Variants in TBC1D32 observed in about 807,000 individuals in gnomAD.
TBC1D32 encodes TBC1 domain family member 32.
In TBC1D32, 151 loss-of-function variants were observed where a neutral mutation model predicts 170.3. The ratio of observed to expected loss-of-function variants is 0.89; its 90% CI spans 0.78 to 1.01. The LOEUF is 1.01. Ranked by LOEUF, TBC1D32 falls within the 50% of genes least tolerant of loss-of-function variation. The pLI is 0.00. For missense variants in TBC1D32, 1,464 were observed against 1,457.1 expected (o/e 1.00, Z -0.08); for synonymous variants, 498 against 488.0 (o/e 1.02, Z -0.27).
chr6:121,334,588 T>C (rs9482134), upstream of TBC1D32: 7,301 of 826,226 alleles, frequency 8.8e-3, 446 homozygotes, highest in African/African-American at 0.12. Flanking sequence ...CAGCTGCCAG[T>C]GCGTCATTTC....
Position 121,273,755 on chromosome 6 carries a change from A to G in TBC1D32, c.1733+5366T>C, listed in dbSNP as rs1263715179. Reference sequence around the variant, plus strand: ...TGAACTATAACCTTGATGGAAGTATAAACAGACTGTAACCTACTCTTGTGC... The same window carrying G: ...TGAACTATAACCTTGATGGAAGTATGAACAGACTGTAACCTACTCTTGTGC... On this transcript the variant is annotated intron_variant, in intron 15 of 31. Transcript: ENST00000398212. Among the ~76,000 whole-genome samples, 3 of 152,156 alleles carry G rather than the reference A, an allele frequency of 2.0e-5. No homozygotes were observed. The South Asian group carries it at 6.2e-4, about 32-fold the overall frequency.
chr6:121,099,025 C>A (rs1003331173), intron 30 of TBC1D32, among the ~76,000 whole-genome samples: 27 of 151,924 alleles, frequency 1.8e-4, no homozygotes, highest in African/African-American at 5.6e-4. Context: ...TTTCAAAAAG[C>A]AATGTGTCAC....
intron 3 of TBC1D32, 76 bp downstream of exon 3, chr6:121,317,419 G>C: frequency 8.4e-7 from 1 of 1,190,856 alleles, no homozygotes; most frequent in Non-Finnish European, 1.1e-6. Flanking sequence ...GAAAAATATG[G>C]CTAAGAAATA....
intron 21 of TBC1D32, among the ~76,000 whole-genome samples, chr6:121,212,691 C>A (rs1202090436): frequency 6.6e-6 from 1 of 151,988 alleles, no homozygotes; most frequent in Non-Finnish European, 1.5e-5. Context: ...TGACCTCAGA[C>A]CTCAGGTGAT....
intron 24 of TBC1D32, among the ~76,000 whole-genome samples, chr6:121,136,814 CATGTGTATGTAAACAAGT>C (rs947988096): frequency 3.3e-5 from 5 of 152,152 alleles, no homozygotes; most frequent in Admixed American, 3.3e-4. Flanking sequence ...ATTATATACA[CATGTGTATGTAAACAAGT>C]ATGTGTATGT....
chr6:121,253,469 C>T (rs1389806353), intron 17 of TBC1D32, among the ~76,000 whole-genome samples: 1 of 152,058 alleles, frequency 6.6e-6, no homozygotes, highest in Non-Finnish European at 1.5e-5. Flanking sequence ...CTGTAATCCC[C>T]GCACTTTGGG....
chr6:121,168,992 C>T (rs1487831355), intron 22 of TBC1D32, among the ~76,000 whole-genome samples: 1 of 152,036 alleles, frequency 6.6e-6, no homozygotes, highest in African/African-American at 2.4e-5. Context: ...GACCATGCTG[C>T]CCAAAGCAAT....
At chr6:121,142,103 G>A (rs1020522633) in intron 24 of TBC1D32, among the ~76,000 whole-genome samples, 3 of 152,214 alleles carry the variant, frequency 2.0e-5, no homozygotes, top group Non-Finnish European at 4.4e-5. Flanking sequence ...CTAAATAAAT[G>A]CGAGCATCGC....
chr6:121,321,674 T>C lies in TBC1D32; in HGVS notation c.276A>G (p.Thr92=). Residue 92 remains threonine, a synonymous_variant, in exon 2 of 32, where the codon ACA becomes ACG. Coordinates refer to ENST00000398212, the MANE Select transcript of TBC1D32 (RefSeq NM_152730.6). The part of the protein sequence containing the change: ...RNQGEECGYD[T]VVQQVTKRTQ... ...TTCTTTTAGTGACCTGCTGTACAAC[T>C]GTATCATAGCCGCATTCTTCACCCT... 1 of 1,614,024 alleles carries C rather than the reference T, an allele frequency of 6.2e-7. No homozygotes were observed. Among genetic ancestry groups the C allele is most frequent in the Non-Finnish European group, 8.5e-7 (1 of 1,179,930 alleles).
chr6:121,306,671 C>T (rs1807368297), intron 5 of TBC1D32, among the ~76,000 whole-genome samples: 1 of 152,122 alleles, frequency 6.6e-6, no homozygotes, highest in Admixed American at 6.5e-5. Flanking sequence ...CAGGGGTTTT[C>T]TTTTCATTCC....
chr6:121,199,431 T>C (rs1791243296), intron 22 of TBC1D32, among the ~76,000 whole-genome samples: 1 of 151,336 alleles, frequency 6.6e-6, no homozygotes, highest in Non-Finnish European at 1.5e-5. Context: ...ATGAGCATAA[T>C]AGGGTTAACA....
chr6:121,244,910 A>C (rs1346159839), intron 17 of TBC1D32, among the ~76,000 whole-genome samples: 2 of 152,146 alleles, frequency 1.3e-5, no homozygotes, highest in Non-Finnish European at 2.9e-5. Context: ...AAATCAGAAC[A>C]CTTGTCCTGG....
chr6:121,193,675 T>C (rs1033657832), intron 22 of TBC1D32, among the ~76,000 whole-genome samples: 3 of 152,250 alleles, frequency 2.0e-5, no homozygotes, highest in Non-Finnish European at 4.4e-5. Context: ...ACAGTCTGAC[T>C]CATGTAGAGC....
intron 26 of TBC1D32, among the ~76,000 whole-genome samples, chr6:121,121,910 C>G (rs1275678990): frequency 2.6e-5 from 4 of 151,918 alleles, no homozygotes; most frequent in Admixed American, 2.6e-4. Context: ...AAGCTGATGG[C>G]TTAGTAATTT....
chr6:121,085,258 CACATATAT>C (rs200728718), intron 31 of TBC1D32, among the ~76,000 whole-genome samples: 8 of 145,496 alleles, frequency 5.5e-5, no homozygotes, highest in South Asian at 2.1e-4. Flanking sequence ...TATATATATA[CACATATAT>C]ACATATATAC....
chr6:121,211,303 T>C (rs1305797746), intron 21 of TBC1D32, among the ~76,000 whole-genome samples: 1 of 152,144 alleles, frequency 6.6e-6, no homozygotes, highest in Non-Finnish European at 1.5e-5. Flanking sequence ...AAAATATGGA[T>C]TTTTTAAAAT....
At chr6:121,108,430 A>G (rs1240096218) in intron 29 of TBC1D32, among the ~76,000 whole-genome samples, 1 of 152,094 alleles carries the variant, frequency 6.6e-6, no homozygotes, top group Non-Finnish European at 1.5e-5. Flanking sequence ...ACTCTTTATC[A>G]TTCAGAATAT....
chr6:121,173,233 G>A (rs115976254), intron 22 of TBC1D32, among the ~76,000 whole-genome samples: 1,886 of 152,194 alleles, frequency 0.012, 38 homozygotes, highest in African/African-American at 0.043. Flanking sequence ...TCCCATGCTG[G>A]ATGCTTTTTG....
At chr6:121,161,177 T>C (rs1785585323) in intron 22 of TBC1D32, 121 bp from the exon 23 acceptor site, 1 of 735,168 alleles carries the variant, frequency 1.4e-6, no homozygotes, top group Non-Finnish European at 2.2e-6. Flanking sequence ...TTTCTTTTTC[T>C]TTACTGCATT....
Sources: allele counts gnomAD v4.1 joint callset (sites outside exome capture counted in the v4.1 genomes callset), GRCh38; gene constraint gnomAD v4.1.1; transcripts MANE v1.5; gene names NCBI Gene and HGNC (gene_info 2026-07-23, HGNC 2026-07-21).